The following SEZ6L variants were observed in gnomAD, a reference collection of about 807,000 sequenced individuals.
The protein encoded by SEZ6L is seizure 6-like protein.
SEZ6L carries 37 observed loss-of-function variants against 106.2 expected under a neutral mutation model. The observed-to-expected ratio is 0.35, with a 90% CI of 0.27 to 0.46. The LOEUF (loss-of-function observed/expected upper bound fraction) is 0.46, where lower values mean the gene tolerates loss of function less well. SEZ6L is among the 20% of genes least tolerant of loss of function. The pLI, the probability that SEZ6L is intolerant of heterozygous loss-of-function variation, is 1.00. For synonymous variants in SEZ6L, 541 were observed against 570.4 expected, an observed-to-expected ratio of 0.95 and a Z score of 0.73; for missense variants, 1,172 against 1,332.8, an observed-to-expected ratio of 0.88 and a Z score of 1.88.
chr22:26,290,330 G>C (rs2081069479), intron 1 of SEZ6L, among the ~76,000 whole-genome samples: 1 of 152,108 alleles, frequency 6.6e-6, no homozygotes, highest in Admixed American at 6.5e-5. Flanking sequence ...AGGAGATCGA[G>C]ACCATCCTGG....
intron 1 of SEZ6L, among the ~76,000 whole-genome samples, chr22:26,170,417 C>T (rs1044586178): frequency 6.6e-6 from 1 of 152,070 alleles, no homozygotes; most frequent in Non-Finnish European, 1.5e-5. Flanking sequence ...CAGTTGGGAA[C>T]CTGAACGGGC....
chr22:26,241,848 C>T (rs1369161692), intron 1 of SEZ6L, among the ~76,000 whole-genome samples: 1 of 152,200 alleles, frequency 6.6e-6, no homozygotes, highest in African/African-American at 2.4e-5. Context: ...CTTAATGGCA[C>T]ATGAGTCTGG....
In SEZ6L at chr22:26,351,169, G is replaced by A; in HGVS notation, c.2525G>A (p.Gly842Glu). The change falls in exon 12 of 17, where the codon GGG becomes GAG. Residue 842 changes from glycine (G) to glutamate (E), a missense_variant. Physicochemically the swap from Gly to Glu is moderately conservative, Grantham distance 98. Transcript: ENST00000248933. Reference protein sequence around the residue: ...YTCNPGFVLEGSSLLTCYSRE... With the variant: ...YTCNPGFVLEESSLLTCYSRE... ...TGCAACCCCGGTTTTGTGCTTGAAG[G>A]GAGTTCTCTTCTGACCTGCTACAGC... The A allele has an allele frequency of 2.5e-6, 4 of 1,614,178 alleles. No individual in the cohort carries two copies. The highest frequency in any genetic ancestry group is 3.4e-6 in the Non-Finnish European group (4 of 1,180,032).
chr22:26,298,382 T>A (rs562159847), intron 4 of SEZ6L, among the ~76,000 whole-genome samples: 2 of 152,198 alleles, frequency 1.3e-5, no homozygotes, highest in African/African-American at 4.8e-5. Flanking sequence ...TACCCCCATC[T>A]ACTGACTGCG....
At chr22:26,270,129 T>C (rs997576646) in intron 1 of SEZ6L, among the ~76,000 whole-genome samples, 3 of 152,162 alleles carry the variant, frequency 2.0e-5, no homozygotes, top group African/African-American at 7.2e-5. Flanking sequence ...AGTTTTCATA[T>C]CTATAAAATG....
intron 5 of SEZ6L, 83 bp downstream of exon 5, chr22:26,299,252 T>C (rs1175272167): frequency 3.4e-6 from 4 of 1,167,486 alleles, no homozygotes; most frequent in Non-Finnish European, 2.2e-6. Context: ...GAGAGTGACC[T>C]CAGGGAATGG....
intron 1 of SEZ6L, 184 bp from the exon 2 acceptor site, chr22:26,292,222 G>A (rs2081148532): frequency 1.8e-6 from 1 of 551,002 alleles, no homozygotes; most frequent in Non-Finnish European, 3.2e-6. Flanking sequence ...AAAAGAGAAA[G>A]AGGGAGAGAG....
At chr22:26,346,022 A>AT (rs920934299) in intron 10 of SEZ6L, among the ~76,000 whole-genome samples, 3 of 142,626 alleles carry the variant, frequency 2.1e-5, no homozygotes, top group Admixed American at 6.9e-5. Flanking sequence ...TTCTGTTCAA[A>AT]TTGTTTTTTT....
intron 1 of SEZ6L, among the ~76,000 whole-genome samples, chr22:26,252,539 C>G (rs1327678895): frequency 2.6e-5 from 4 of 152,052 alleles, no homozygotes; most frequent in African/African-American, 9.7e-5. Flanking sequence ...AGCATATTAC[C>G]CAATCTTTAG....
intron 12 of SEZ6L, among the ~76,000 whole-genome samples, chr22:26,361,518 A>ATAT (rs1198502452): frequency 1.5e-5 from 2 of 133,958 alleles, no homozygotes; most frequent in Non-Finnish European, 3.1e-5. Context: ...AAAAAAAAAA[A>ATAT]AAATATATAT....
intron 1 of SEZ6L, among the ~76,000 whole-genome samples, chr22:26,205,171 A>C (rs1228334457): frequency 6.6e-6 from 1 of 152,270 alleles, no homozygotes; most frequent in Non-Finnish European, 1.5e-5. Flanking sequence ...TACTTGTTCA[A>C]GAATAGGGAT....
At position 26,299,015 on chromosome 22, in the gene SEZ6L, G is replaced by T; in HGVS notation, c.1194G>T (p.Arg398=). ...TGCTGAGCTGCAACTTTCCCCGCCGGCCTGACTCTGGGGATGTCACGGTGA... is the reference window on the plus strand; with the variant it reads ...TGCTGAGCTGCAACTTTCCCCGCCGTCCTGACTCTGGGGATGTCACGGTGA... The part of the protein sequence containing the change: ...AFMLSCNFPR[R]PDSGDVTVMD... The change falls in exon 5 of 17, where the codon CGG becomes CGT. Residue 398 remains arginine, a synonymous_variant. Coordinates refer to ENST00000248933, the MANE Select transcript of SEZ6L (RefSeq NM_021115.5). 1 of 1,591,758 alleles carries T rather than the reference G, an allele frequency of 6.3e-7. No individual in the cohort carries two copies. Among genetic ancestry groups the T allele is most frequent in the South Asian group, 1.1e-5 (1 of 87,706 alleles).
intron 9 of SEZ6L, among the ~76,000 whole-genome samples, chr22:26,325,290 C>T (rs2082273776): frequency 6.6e-6 from 1 of 152,216 alleles, no homozygotes; most frequent in Admixed American, 6.5e-5. Context: ...TTTTTGCCCT[C>T]AAGCTACCAT....
intron 9 of SEZ6L, among the ~76,000 whole-genome samples, chr22:26,324,036 G>C (rs1203022924): frequency 6.7e-6 from 1 of 148,336 alleles, no homozygotes; most frequent in African/African-American, 2.5e-5. Context: ...CTTGAACCCA[G>C]GTCTCTAAGA....
chr22:26,278,906 A>G (rs900116591), intron 1 of SEZ6L, among the ~76,000 whole-genome samples: 1 of 145,928 alleles, frequency 6.9e-6, no homozygotes, highest in Admixed American at 6.8e-5. Context: ...AAGGAGAGGA[A>G]GGAAGGAGAG....
In SEZ6L at chr22:26,207,910, A is replaced by ATTT. The variant is rs134772; in HGVS notation, c.94+38162_94+38164dup. ...ATTTTTGCTTTAAATATTCATGTGTATTTTTTTTTTTTTTTTTGAGACGGA... is the reference window on the plus strand; with the variant it reads ...ATTTTTGCTTTAAATATTCATGTGTATTTTTTTTTTTTTTTTTTTTGAGACGGA... On this transcript the variant is annotated intron_variant, in intron 1 of 16. Transcript: ENST00000248933. Among the ~76,000 whole-genome samples, 22 of 138,498 alleles carry ATTT rather than the reference A, an allele frequency of 1.6e-4. No homozygotes were observed. In the East Asian group the frequency reaches 3.1e-3, roughly 19 times the overall value. The allele number at this position is 138,498 out of a possible 152,430, so 90.9% of individuals were successfully genotyped here.
At chr22:26,280,120 CT>C (rs1377308373) in intron 1 of SEZ6L, among the ~76,000 whole-genome samples, 1 of 152,150 alleles carries the variant, frequency 6.6e-6, no homozygotes, top group Admixed American at 6.5e-5. Flanking sequence ...CATGTGAGGG[CT>C]GGGATGCACA....
intron 16 of SEZ6L, 55 bp from the exon 17 acceptor site, chr22:26,380,211 G>T: frequency 2.5e-6 from 4 of 1,571,612 alleles, no homozygotes; most frequent in Non-Finnish European, 3.5e-6. Flanking sequence ...ATCCCCCTAT[G>T]TATATCACTC....
rs140725166 is a variant in SEZ6L at position 26,251,903 on chromosome 22, G to T, written c.95-40503G>T. On this transcript the variant is annotated intron_variant, in intron 1 of 16. Transcript: ENST00000248933. ...AGTGGGGGTGTCCTGCCCACTCCCT[G>T]CTCCTCCCCATGCATCTCCCTGGAT... is the stretch of plus-strand genomic sequence containing the variant. 6.8e-3 allele frequency among the ~76,000 whole-genome samples: 1,034 copies of T among 152,250 alleles called. 6 individuals carry two copies. Among genetic ancestry groups the T allele is most frequent in the Admixed American group, 0.013 (194 of 15,296 alleles).
Sources: allele counts gnomAD v4.1 joint callset (sites outside exome capture counted in the v4.1 genomes callset), GRCh38; gene constraint gnomAD v4.1.1; transcripts MANE v1.5; gene names NCBI Gene and HGNC (gene_info 2026-07-23, HGNC 2026-07-21).